Variants in BCAS3 observed in about 807,000 individuals in gnomAD.
BCAS3 encodes BCAS4/BCAS3 fusion.
BCAS3 carries 53 observed loss-of-function variants against 116.1 expected under a neutral mutation model. The ratio of observed to expected loss-of-function variants is 0.46; its 90% CI spans 0.37 to 0.57. BCAS3 has a LOEUF of 0.57. Ranked by LOEUF, BCAS3 falls within the 20% of genes least tolerant of loss-of-function variation. The pLI is 0.00. For synonymous variants in BCAS3, 391 were observed against 408.2 expected (o/e 0.96, Z 0.51); for missense variants, 917 against 1,165.4 (o/e 0.79, Z 3.10).
chr17:61,053,659 G>A (rs1295436228), intron 19 of BCAS3, among the ~76,000 whole-genome samples: 1 of 152,154 alleles, frequency 6.6e-6, no homozygotes, highest in Admixed American at 6.5e-5. Context: ...ATATTTCCTT[G>A]CATTGTCCAT....
At chr17:60,959,799 A>G (rs2061328380) in intron 14 of BCAS3, among the ~76,000 whole-genome samples, 1 of 152,230 alleles carries the variant, frequency 6.6e-6, no homozygotes, top group African/African-American at 2.4e-5. Context: ...ATCTAAAATC[A>G]AAATGTAAGC....
chr17:61,059,883 G>A (rs1056977318), intron 19 of BCAS3, among the ~76,000 whole-genome samples: 5 of 151,932 alleles, frequency 3.3e-5, no homozygotes, highest in African/African-American at 9.7e-5. Flanking sequence ...AAAATTAGCC[G>A]GGCGTGGTGG....
rs1050218697 is a variant in BCAS3 at position 61,376,191 on chromosome 17, C to G, written c.2593+7697C>G. 3.3e-5 allele frequency among the ~76,000 whole-genome samples: 5 copies of G among 152,198 alleles called. No homozygotes were observed. The highest frequency in any genetic ancestry group is 4.1e-4 in the South Asian group (2 of 4,830). On this transcript the variant is annotated intron_variant, in intron 23 of 23. Transcript: ENST00000407086. This position sits in a 1 kb window ranked among gnomAD's most constrained non-coding sequence, Gnocchi z 4.5. ...ACATTTACATGTGTTATGTGGGCCT[C>G]TCAGGTCCCTTTCCCAAACCTGAGA...
chr17:61,267,931 G>A (rs1253309149), intron 22 of BCAS3, among the ~76,000 whole-genome samples: 1 of 151,836 alleles, frequency 6.6e-6, no homozygotes, highest in Non-Finnish European at 1.5e-5. Context: ...AAAGCTCACC[G>A]AAAACCCATA....
Position 61,282,287 on chromosome 17 carries a change from T to C in BCAS3, c.2426-86040T>C, listed in dbSNP as rs2051304824. ...TAAATGTGGGGTTTTCTTTATTGCT[T>C]CTTTGGGAATACCTTACCGATGAGA... On this transcript the variant is annotated intron_variant, in intron 22 of 23. Coordinates refer to ENST00000407086, the MANE Select transcript of BCAS3 (RefSeq NM_017679.5). The surrounding 1 kb of genome is among the most constrained non-coding windows in gnomAD (Gnocchi z 5.9). Among the ~76,000 whole-genome samples, 1 of 152,232 alleles carries C rather than the reference T, an allele frequency of 6.6e-6. No homozygotes were observed. Among genetic ancestry groups the C allele is most frequent in the African/African-American group, 2.4e-5 (1 of 41,472 alleles).
chr17:61,230,262 CA>C (rs1328605911), intron 22 of BCAS3, among the ~76,000 whole-genome samples: 3 of 151,938 alleles, frequency 2.0e-5, no homozygotes, highest in Non-Finnish European at 4.4e-5. Context: ...AAATTTTAAG[CA>C]AAACAGCTCT....
chr17:61,044,465 A>AAAAAAAAAAT, intron 19 of BCAS3, among the ~76,000 whole-genome samples: 2 of 120,124 alleles, frequency 1.7e-5, no homozygotes, highest in African/African-American at 1.0e-4. Flanking sequence ...AAAAAAAAAA[A>AAAAAAAAAAT]ATATATATAT....
At chr17:60,751,583 C>G (rs1405823095) in intron 6 of BCAS3, among the ~76,000 whole-genome samples, 1 of 147,570 alleles carries the variant, frequency 6.8e-6, no homozygotes, top group East Asian at 1.9e-4. Flanking sequence ...ACTCTTGTTG[C>G]CCAGGCTGGA....
chr17:61,296,432 C>G (rs2052914846), intron 22 of BCAS3, among the ~76,000 whole-genome samples: 1 of 152,150 alleles, frequency 6.6e-6, no homozygotes, highest in Admixed American at 6.5e-5. Flanking sequence ...ACTTCAGGTT[C>G]TCTGTGGAGA....
At chr17:61,044,307 C>T (rs112125079) in intron 19 of BCAS3, among the ~76,000 whole-genome samples, 14,964 of 151,086 alleles carry the variant, frequency 0.099, 2,254 homozygotes, top group African/African-American at 0.33. Flanking sequence ...ATTAGCTGGG[C>T]GTGGTGGCGG....
intron 21 of BCAS3, among the ~76,000 whole-genome samples, chr17:61,079,880 G>A (rs2072401725): frequency 1.7e-5 from 2 of 118,906 alleles, no homozygotes; most frequent in Admixed American, 8.8e-5. Context: ...ACAGGCATGA[G>A]TATTTTTTTT....
intron 22 of BCAS3, among the ~76,000 whole-genome samples, chr17:61,292,759 A>G (rs1042454348): frequency 6.6e-6 from 1 of 152,148 alleles, no homozygotes; most frequent in Non-Finnish European, 1.5e-5. Context: ...TTATGCCCAT[A>G]TGTGTACTTC....
intron 14 of BCAS3, among the ~76,000 whole-genome samples, chr17:60,985,938 T>A (rs1218546884): frequency 6.6e-6 from 1 of 152,196 alleles, no homozygotes; most frequent in Non-Finnish European, 1.5e-5. Context: ...GGTTTCACCA[T>A]GTTGACCAGG....
At chr17:61,254,613 C>A (rs1322716606) in intron 22 of BCAS3, among the ~76,000 whole-genome samples, 2 of 151,542 alleles carry the variant, frequency 1.3e-5, no homozygotes, top group Non-Finnish European at 2.9e-5. Flanking sequence ...CCCTTCTCTA[C>A]TAAAAATACA....
rs57039216 is a variant in BCAS3 at position 61,365,900 on chromosome 17, T to A, written c.2426-2427T>A. ...GCTCACACCTGGAATCCCAGCACTT[T>A]GGGAGGCCAAGACAGGTGGATCGTT... On this transcript the variant is annotated intron_variant, in intron 22 of 23. Coordinates refer to ENST00000407086, the MANE Select transcript of BCAS3 (RefSeq NM_017679.5). This position sits in a 1 kb window ranked among gnomAD's most constrained non-coding sequence, Gnocchi z 4.6. Among the ~76,000 whole-genome samples the A allele has an allele frequency of 0.015, 2,207 of 151,828 alleles. 54 individuals are homozygous for A. Among genetic ancestry groups the A allele is most frequent in the African/African-American group, 0.05 (2,077 of 41,430 alleles).
chr17:61,360,935 T>A (rs1298116273), intron 22 of BCAS3, among the ~76,000 whole-genome samples: 1 of 152,210 alleles, frequency 6.6e-6, no homozygotes, highest in Non-Finnish European at 1.5e-5. Flanking sequence ...AACATATGCC[T>A]TTAATTGGGT....
At position 61,194,929 on chromosome 17, in the gene BCAS3, A is replaced by G. The variant is rs182385275; in HGVS notation, c.2425+110365A>G. On this transcript the variant is annotated intron_variant, in intron 22 of 23. Coordinates refer to ENST00000407086, the MANE Select transcript of BCAS3 (RefSeq NM_017679.5). ...AAGATGTGGTTCACATTTTAATTAC[A>G]GTTACATATGGCAGTCTCCATCCAC... Among the ~76,000 whole-genome samples the G allele has an allele frequency of 7.2e-5, 11 of 152,202 alleles. No homozygotes were observed. The East Asian group carries it at 1.9e-3, about 27-fold the overall frequency.
chr17:60,853,853 T>G (rs774035833), intron 7 of BCAS3, among the ~76,000 whole-genome samples: 1 of 152,236 alleles, frequency 6.6e-6, no homozygotes, highest in South Asian at 2.1e-4. Context: ...CATTCCTTTT[T>G]ATTGCTGAAT....
chr17:61,314,179 G>A (rs1340270658), intron 22 of BCAS3, among the ~76,000 whole-genome samples: 1 of 152,204 alleles, frequency 6.6e-6, no homozygotes, highest in Non-Finnish European at 1.5e-5. Context: ...GTGGCAGGGA[G>A]GAGATTCACG....
Sources: gnomAD v4.1 joint callset for allele counts (sites outside exome capture counted in the v4.1 genomes callset) on GRCh38, gnomAD v4.1.1 for gene constraint, Gnocchi (gnomAD v3.1) non-coding constraint, MANE v1.5 for transcripts, NCBI Gene and HGNC (gene_info 2026-07-23, HGNC 2026-07-21) for gene names.